CSMD1: variants seen among roughly 807,000 people sequenced by gnomAD.
CSMD1 encodes the protein CUB and Sushi multiple domains 1, also known as CUB and sushi domain-containing protein 1.
In CSMD1, 213 loss-of-function variants were observed where a neutral mutation model predicts 417.5. That is an observed-to-expected ratio of 0.51 (90% confidence interval 0.46 to 0.57). The LOEUF is 0.57. CSMD1 is among the 20% of genes least tolerant of loss of function. The pLI is 0.00. For missense variants in CSMD1, 6,923 were observed against 4,529.7 expected (o/e 1.53, Z -15.17); for synonymous variants, 2,862 against 1,736.8 (o/e 1.65, Z -16.11).
chr8:3,586,377 G>A, intron 8 of CSMD1, 117 bp from the exon 9 acceptor site: 2 of 973,986 alleles, frequency 2.1e-6, no homozygotes, highest in Middle Eastern at 2.6e-4. Flanking sequence ...AACAGCCTAA[G>A]ACATTAAGCA....
chr8:4,467,074 T>C (rs953916942), intron 2 of CSMD1, among the ~76,000 whole-genome samples: 3 of 149,424 alleles, frequency 2.0e-5, no homozygotes, highest in African/African-American at 4.9e-5. Context: ...TGATTAGCTT[T>C]GATTTCTTTT....
At chr8:3,471,431 T>C (rs541573351) in intron 11 of CSMD1, among the ~76,000 whole-genome samples, 3 of 152,204 alleles carry the variant, frequency 2.0e-5, no homozygotes, top group Non-Finnish European at 4.4e-5. Flanking sequence ...TTATATTCCA[T>C]AAGTATTAGT....
intron 23 of CSMD1, among the ~76,000 whole-genome samples, chr8:3,313,596 C>G (rs1805524710): frequency 6.6e-6 from 1 of 152,078 alleles, no homozygotes; most frequent in South Asian, 2.1e-4. Flanking sequence ...GGCAAGCAAT[C>G]AATCATTAAA....
At chr8:4,700,162 T>C (rs1807433702) in intron 1 of CSMD1, among the ~76,000 whole-genome samples, 1 of 152,138 alleles carries the variant, frequency 6.6e-6, no homozygotes, top group Non-Finnish European at 1.5e-5. Flanking sequence ...TTTCAAGACC[T>C]ATTCAGTTCA....
intron 3 of CSMD1, among the ~76,000 whole-genome samples, chr8:4,098,187 C>G (rs1333414444): frequency 6.6e-6 from 1 of 152,084 alleles, no homozygotes; most frequent in East Asian, 1.9e-4. Flanking sequence ...TAGAATAAAG[C>G]TAATTTCAAC....
At chr8:4,179,699 C>A (rs1435278732) in intron 3 of CSMD1, among the ~76,000 whole-genome samples, 3 of 151,884 alleles carry the variant, frequency 2.0e-5, no homozygotes, top group Non-Finnish European at 4.4e-5. Context: ...GGCTAATATC[C>A]AGAATCTACA....
intron 5 of CSMD1, among the ~76,000 whole-genome samples, chr8:3,805,965 G>A (rs559871600): frequency 1.4e-4 from 22 of 152,168 alleles, no homozygotes; most frequent in African/African-American, 4.6e-4. Context: ...TTCTTCTTCC[G>A]TCTTCAGATT....
At chr8:3,506,455 T>C (rs1333611980) in intron 10 of CSMD1, among the ~76,000 whole-genome samples, 1 of 152,190 alleles carries the variant, frequency 6.6e-6, no homozygotes, top group African/African-American at 2.4e-5. Flanking sequence ...TTCTCACCAC[T>C]GGTCATGGCC....
At chr8:3,066,557 T>C (rs908243749) in intron 49 of CSMD1, among the ~76,000 whole-genome samples, 4 of 152,214 alleles carry the variant, frequency 2.6e-5, no homozygotes, top group Non-Finnish European at 4.4e-5. Context: ...ATGGCTTCCT[T>C]GTGATATTTT....
chr8:3,756,893 T>C (rs1299372062), intron 5 of CSMD1, among the ~76,000 whole-genome samples: 1 of 152,066 alleles, frequency 6.6e-6, no homozygotes, highest in Non-Finnish European at 1.5e-5. Context: ...ACTCCTGGGC[T>C]CAAGCCATCC....
chr8:4,117,776 A>G (rs1000660727), intron 3 of CSMD1, among the ~76,000 whole-genome samples: 65 of 152,274 alleles, frequency 4.3e-4, no homozygotes, highest in African/African-American at 1.5e-3. Context: ...CACCAGGCCC[A>G]TTCAGAGAAT....
intron 3 of CSMD1, among the ~76,000 whole-genome samples, chr8:4,379,137 T>C (rs555757213): frequency 1.3e-5 from 2 of 152,190 alleles, no homozygotes; most frequent in Non-Finnish European, 2.9e-5. Context: ...AACAGATATA[T>C]CAGCCCCTGT....
intron 5 of CSMD1, among the ~76,000 whole-genome samples, chr8:3,965,352 T>C (rs1812607213): frequency 6.6e-6 from 1 of 152,190 alleles, no homozygotes; most frequent in South Asian, 2.1e-4. Flanking sequence ...AATAAGACAA[T>C]GTTTTGAAGA....
At chr8:3,142,886 G>A (rs1429191046) in intron 40 of CSMD1, among the ~76,000 whole-genome samples, 2 of 152,152 alleles carry the variant, frequency 1.3e-5, no homozygotes, top group Non-Finnish European at 2.9e-5. Context: ...CTTTTTCCAT[G>A]ACACTCACGT....
intron 41 of CSMD1, among the ~76,000 whole-genome samples, chr8:3,126,044 A>G (rs540373770): frequency 6.6e-6 from 1 of 152,332 alleles, no homozygotes; most frequent in Non-Finnish European, 1.5e-5. Flanking sequence ...CAGTACATAC[A>G]TGAGCCTTGA....
At chr8:4,031,694 A>G (rs1797355365) in intron 4 of CSMD1, among the ~76,000 whole-genome samples, 1 of 152,226 alleles carries the variant, frequency 6.6e-6, no homozygotes. Flanking sequence ...CTTACATACT[A>G]ACATGCAATA....
intron 2 of CSMD1, among the ~76,000 whole-genome samples, chr8:4,429,829 C>T (rs1797770064): frequency 1.3e-5 from 2 of 151,492 alleles, no homozygotes; most frequent in South Asian, 4.1e-4. Flanking sequence ...ATCTCATTGG[C>T]TCGGGAAGAA....
At position 3,090,115 on chromosome 8, in the gene CSMD1, C is replaced by G. The variant is rs189667603; in HGVS notation, c.7285+1401G>C. Among the ~76,000 whole-genome samples the G allele has an allele frequency of 6.4e-3, 975 of 151,988 alleles. 16 individuals carry two copies. The highest frequency in any genetic ancestry group is 0.022 in the African/African-American group (930 of 41,462). On this transcript the variant is annotated intron_variant, in intron 48 of 69. Coordinates refer to ENST00000635120, the MANE Select transcript of CSMD1 (RefSeq NM_033225.6). The stretch of plus-strand genomic sequence containing the variant: ...GGATCACAAGGTCAGGAGATCGTGA[C>G]CATCCTGGCTAACACGGTGAAACCC...
chr8:4,829,773 T>A (rs6558919), intron 1 of CSMD1, among the ~76,000 whole-genome samples: 1 of 150,500 alleles, frequency 6.6e-6, no homozygotes, highest in African/African-American at 2.5e-5. Flanking sequence ...CACATTTATG[T>A]AGCTGTTTCA....
Sources: gnomAD v4.1 joint callset for allele counts (sites outside exome capture counted in the v4.1 genomes callset) on GRCh38, gnomAD v4.1.1 for gene constraint, MANE v1.5 for transcripts, NCBI Gene and HGNC (gene_info 2026-07-23, HGNC 2026-07-21) for gene names.